Variants in CRADD observed in about 807,000 individuals in gnomAD.
CRADD encodes death domain-containing protein CRADD.
Under a neutral mutation model 15.5 loss-of-function variants are expected in CRADD, and 9 were observed. That is an observed-to-expected ratio of 0.58 (90% CI 0.35 to 1.01). The LOEUF (loss-of-function observed/expected upper bound fraction) is 1.01, where lower values mean the gene tolerates loss of function less well. CRADD is among the 50% of genes least tolerant of loss of function. CRADD has a pLI of 0.02. For synonymous variants in CRADD, 118 were observed against 107.6 expected, an observed-to-expected ratio of 1.10 and a Z score of -0.60; for missense variants, 227 against 250.3, an observed-to-expected ratio of 0.91 and a Z score of 0.63.
At chr12:93,778,649 T>A (rs1484173528) in intron 2 of CRADD, among the ~76,000 whole-genome samples, 1 of 152,126 alleles carries the variant, frequency 6.6e-6, no homozygotes, top group Non-Finnish European at 1.5e-5. Flanking sequence ...CAATCTAAGT[T>A]GCTGTTTATT....
intron 2 of CRADD, among the ~76,000 whole-genome samples, chr12:93,713,601 T>G (rs558971841): frequency 2.0e-4 from 30 of 151,910 alleles, no homozygotes; most frequent in Non-Finnish European, 3.7e-4. Flanking sequence ...AGTTGTTATA[T>G]TGTTTGTTTG....
chr12:93,787,825 A>G (rs1191255600), intron 2 of CRADD, among the ~76,000 whole-genome samples: 1 of 152,178 alleles, frequency 6.6e-6, no homozygotes, highest in Non-Finnish European at 1.5e-5. Flanking sequence ...TTTGGAGTCC[A>G]CTGTATGGCA....
intron 2 of CRADD, among the ~76,000 whole-genome samples, chr12:93,714,201 T>A (rs987544374): frequency 6.6e-5 from 10 of 152,230 alleles, no homozygotes; most frequent in Admixed American, 2.0e-4. Context: ...AAGAAGAGGC[T>A]AAATAGCTGC....
At chr12:93,770,243 C>T (rs1957071615) in intron 2 of CRADD, among the ~76,000 whole-genome samples, 1 of 151,606 alleles carries the variant, frequency 6.6e-6, no homozygotes, top group South Asian at 2.1e-4. Flanking sequence ...CTACAGGCGC[C>T]CGCCATCACG....
intron 2 of CRADD, chr12:93,848,797 T>A (rs1037785970): frequency 1.3e-5 from 2 of 152,252 alleles, no homozygotes; most frequent in Non-Finnish European, 2.9e-5. Flanking sequence ...CACTGCTCAC[T>A]GGTTTTGCTG....
chr12:93,770,127 G>T (rs1250555018), intron 2 of CRADD, among the ~76,000 whole-genome samples: 1 of 121,004 alleles, frequency 8.3e-6, no homozygotes, highest in Non-Finnish European at 1.7e-5. Context: ...ACGGAGTCTC[G>T]CTCTGTGGCC....
intron 2 of CRADD, chr12:93,815,020 T>C (rs1957677267): frequency 6.6e-6 from 1 of 152,168 alleles, no homozygotes; most frequent in African/African-American, 2.4e-5. Context: ...GCTTTTTAGA[T>C]GTCACAATGA....
Position 93,764,772 on chromosome 12 carries a change from T to C in CRADD, c.299-85198T>C, listed in dbSNP as rs190033376. On this transcript the variant is annotated intron_variant, in intron 2 of 2. Transcript: ENST00000332896. ...TCTACAGGGAGTGGAATTACTTTCA[T>C]AGAAATATATAAAAATTCATTTTTT... Among the ~76,000 whole-genome samples the C allele has an allele frequency of 2.6e-5, 4 of 152,038 alleles. No individual in the cohort carries two copies. The East Asian group carries it at 5.8e-4, about 22-fold the overall frequency.
chr12:93,873,977 G>A (rs1392407024), intron 2 of CRADD, among the ~76,000 whole-genome samples: 1 of 151,926 alleles, frequency 6.6e-6, no homozygotes, highest in Non-Finnish European at 1.5e-5. Flanking sequence ...TTTGGAAGTA[G>A]TCCCTCCTCC....
intron 2 of CRADD, among the ~76,000 whole-genome samples, chr12:93,686,304 C>CAAAAAA (rs59096792): frequency 0.16 from 10,468 of 65,528 alleles, 528 homozygotes; most frequent in East Asian, 0.24. Flanking sequence ...CCATCCCCCC[C>CAAAAAA]AAAAAAAAAA....
intron 2 of CRADD, among the ~76,000 whole-genome samples, chr12:93,709,378 CAGT>C (rs1956018694): frequency 6.6e-6 from 1 of 152,132 alleles, no homozygotes; most frequent in African/African-American, 2.4e-5. Flanking sequence ...GCCCAGTACC[CAGT>C]AGTTATCTTT....
At chr12:93,688,851 C>T (rs1955498061) in intron 2 of CRADD, among the ~76,000 whole-genome samples, 1 of 152,222 alleles carries the variant, frequency 6.6e-6, no homozygotes, top group Non-Finnish European at 1.5e-5. Context: ...GTGGCTGCTC[C>T]AGAGCCCATC....
chr12:93,824,969 T>C lies in CRADD; in HGVS notation c.299-25001T>C, dbSNP rs947270181. 1.3e-5 allele frequency among the ~76,000 whole-genome samples: 2 copies of C among 152,236 alleles called. No homozygotes were observed. Among genetic ancestry groups the C allele is most frequent in the African/African-American group, 4.8e-5 (2 of 41,446 alleles). On this transcript the variant is annotated intron_variant, in intron 2 of 2. Coordinates refer to ENST00000332896, the MANE Select transcript of CRADD (RefSeq NM_003805.5). This position sits in a 1 kb window ranked among gnomAD's most constrained non-coding sequence, Gnocchi z 4.3. The stretch of plus-strand genomic sequence containing the variant: ...TCACAAGTATATATTCATTAATACA[T>C]GGGGCTTGTTCCAAATCGATCATGA...
chr12:93,727,720 C>T lies in CRADD; in HGVS notation c.298+48648C>T, dbSNP rs140024662. Among the ~76,000 whole-genome samples, 754 of 152,252 alleles carry T rather than the reference C, an allele frequency of 5.0e-3. 3 individuals are homozygous for T. The highest frequency in any genetic ancestry group is 7.8e-3 in the Non-Finnish European group (529 of 68,014). On this transcript the variant is annotated intron_variant, in intron 2 of 2. Transcript: ENST00000332896. ...AGTGCCCAGTTCAGTGACAGGCAGC[C>T]AGGAGAGCTGAGCCATGGAGAGGCC...
chr12:93,873,014 CA>C (rs1958433647), intron 2 of CRADD, among the ~76,000 whole-genome samples: 1 of 151,984 alleles, frequency 6.6e-6, no homozygotes. Context: ...AATATTTTAA[CA>C]ATATTGATTT....
intron 2 of CRADD, among the ~76,000 whole-genome samples, chr12:93,773,822 T>TTTTG (rs1957112098): frequency 7.0e-6 from 1 of 143,810 alleles, no homozygotes; most frequent in South Asian, 2.4e-4. Context: ...AGTTTTTTTT[T>TTTTG]TTTTTTTTTT....
At chr12:93,806,706 T>C (rs1957543489) in intron 2 of CRADD, among the ~76,000 whole-genome samples, 1 of 151,884 alleles carries the variant, frequency 6.6e-6, no homozygotes. Context: ...AAATAAGGAG[T>C]AGAAGACATT....
At chr12:93,874,197 G>C (rs1958442186) in intron 2 of CRADD, among the ~76,000 whole-genome samples, 3 of 151,802 alleles carry the variant, frequency 2.0e-5, no homozygotes, top group Non-Finnish European at 4.4e-5. Flanking sequence ...CTAGGAATTT[G>C]TCCATTTCTT....
intron 2 of CRADD, among the ~76,000 whole-genome samples, chr12:93,751,723 G>C (rs1325143007): frequency 6.6e-6 from 1 of 152,198 alleles, no homozygotes. Flanking sequence ...AAATTAGCCA[G>C]GGTGGTGGTG....
Sources: gnomAD v4.1 joint callset for allele counts (sites outside exome capture counted in the v4.1 genomes callset) on GRCh38, gnomAD v4.1.1 for gene constraint, Gnocchi (gnomAD v3.1) non-coding constraint, MANE v1.5 for transcripts, NCBI Gene and HGNC (gene_info 2026-07-23, HGNC 2026-07-21) for gene names.